The following XXYLT1 variants were observed in gnomAD, a reference collection of about 807,000 sequenced individuals.
XXYLT1 encodes UDP-xylose:alpha-xyloside alpha-1,3-xylosyltransferase.
In XXYLT1, 20 loss-of-function variants were observed where a neutral mutation model predicts 28.9. The observed-to-expected ratio is 0.69, with a 90% CI of 0.49 to 1.00. The LOEUF is 1.00. XXYLT1 is among the 50% of genes least tolerant of loss of function. XXYLT1 has a pLI of 0.00. For missense variants in XXYLT1, 542 were observed against 560.1 expected, an observed-to-expected ratio of 0.97 and a Z score of 0.33; for synonymous variants, 257 against 253.8, an observed-to-expected ratio of 1.01 and a Z score of -0.12.
intron 3 of XXYLT1, among the ~76,000 whole-genome samples, chr3:195,143,242 G>C (rs1317589617): frequency 6.6e-6 from 1 of 152,192 alleles, no homozygotes; most frequent in East Asian, 1.9e-4. Flanking sequence ...CAGTTCCCAA[G>C]AGCAGCCAAC....
At chr3:195,178,711 G>C (rs1721795632) in intron 2 of XXYLT1, among the ~76,000 whole-genome samples, 1 of 152,236 alleles carries the variant, frequency 6.6e-6, no homozygotes, top group Non-Finnish European at 1.5e-5. Context: ...GAGGGGAGCA[G>C]AGACCAACTG....
chr3:195,249,904 C>A (rs1317897854), intron 1 of XXYLT1, among the ~76,000 whole-genome samples: 1 of 152,140 alleles, frequency 6.6e-6, no homozygotes, highest in Admixed American at 6.5e-5. Flanking sequence ...CCTCCACCAC[C>A]CACCACCACC....
rs150358445 is a variant in XXYLT1 at position 195,141,651 on chromosome 3, A to G, written c.785+14798T>C. On this transcript the variant is annotated intron_variant, in intron 3 of 3. Coordinates refer to ENST00000310380, the MANE Select transcript of XXYLT1 (RefSeq NM_152531.5). ...AAGACCGAGAGCTCAGTGGGGTCAC[A>G]CTCCATTAGCCTTTGAGCAAATCTC... 2.7e-3 allele frequency among the ~76,000 whole-genome samples: 409 copies of G among 152,110 alleles called. 5 individuals carry two copies. The highest frequency in any genetic ancestry group is 7.6e-3 in the African/African-American group (316 of 41,502).
chr3:195,205,214 C>G (rs1467136390), intron 2 of XXYLT1, among the ~76,000 whole-genome samples: 1 of 152,204 alleles, frequency 6.6e-6, no homozygotes, highest in African/African-American at 2.4e-5. Context: ...AAATTTATGT[C>G]CATACAACAA....
At chr3:195,199,569 C>CCA (rs1197561298) in intron 2 of XXYLT1, among the ~76,000 whole-genome samples, 5 of 151,982 alleles carry the variant, frequency 3.3e-5, no homozygotes, top group Admixed American at 2.6e-4. Flanking sequence ...TGAGATCACA[C>CCA]CACTGCACTC....
rs565274676 is a variant in XXYLT1 at position 195,129,938 on chromosome 3, C to G, written c.785+26511G>C. 6.6e-6 allele frequency among the ~76,000 whole-genome samples: 1 copy of G among 152,158 alleles called. No homozygotes were observed. Among genetic ancestry groups the G allele is most frequent in the Non-Finnish European group, 1.5e-5 (1 of 68,026 alleles). ...TTCATATTCCCACCACCAGTGAGTG[C>G]GGGTTCCCATGCCTCCAACTCCTCA... On this transcript the variant is annotated intron_variant, in intron 3 of 3. Coordinates refer to ENST00000310380, the MANE Select transcript of XXYLT1 (RefSeq NM_152531.5). This position sits in a 1 kb window ranked among gnomAD's most constrained non-coding sequence, Gnocchi z 4.4.
chr3:195,144,501 C>T (rs1197031792), intron 3 of XXYLT1, among the ~76,000 whole-genome samples: 2 of 152,020 alleles, frequency 1.3e-5, no homozygotes, highest in Non-Finnish European at 2.9e-5. Context: ...CTCAGCCTCC[C>T]GAGTAGCTGG....
chr3:195,120,014 T>G (rs79394704), intron 3 of XXYLT1, among the ~76,000 whole-genome samples: 4,628 of 152,270 alleles, frequency 0.03, 110 homozygotes, highest in Middle Eastern at 0.12. Flanking sequence ...TGCTCGTGAC[T>G]GGGGTACCGG....
At chr3:195,144,377 G>A (rs1450957683) in intron 3 of XXYLT1, among the ~76,000 whole-genome samples, 1 of 151,828 alleles carries the variant, frequency 6.6e-6, no homozygotes, top group Non-Finnish European at 1.5e-5. Context: ...GGGGTCAAAC[G>A]GTTCCTCCTT....
At chr3:195,250,625 A>C (rs1191214272) in intron 1 of XXYLT1, among the ~76,000 whole-genome samples, 1 of 151,800 alleles carries the variant, frequency 6.6e-6, no homozygotes, top group Non-Finnish European at 1.5e-5. Flanking sequence ...TCCTGCTGAC[A>C]CACGGTATAA....
chr3:195,194,738 A>G (rs1190822064), intron 2 of XXYLT1, among the ~76,000 whole-genome samples: 1 of 152,196 alleles, frequency 6.6e-6, no homozygotes, highest in Non-Finnish European at 1.5e-5. Flanking sequence ...AAAGGAATAA[A>G]TGACTGATAC....
intron 3 of XXYLT1, among the ~76,000 whole-genome samples, chr3:195,135,789 T>C (rs1719162936): frequency 1.3e-5 from 2 of 152,084 alleles, no homozygotes; most frequent in East Asian, 1.9e-4. Flanking sequence ...CTTAGATGGA[T>C]AAATGGATGG....
At chr3:195,208,807 G>A (rs1346280981) in intron 2 of XXYLT1, among the ~76,000 whole-genome samples, 1 of 152,140 alleles carries the variant, frequency 6.6e-6, no homozygotes, top group Non-Finnish European at 1.5e-5. Flanking sequence ...AGGAAGGGCA[G>A]ACAAAGAGCG....
chr3:195,242,379 T>C (rs1560170527), intron 1 of XXYLT1, among the ~76,000 whole-genome samples: 1 of 152,152 alleles, frequency 6.6e-6, no homozygotes, highest in Non-Finnish European at 1.5e-5. Context: ...TCTTTGTCAG[T>C]AGGAGCTGTT....
At chr3:195,198,555 G>A (rs1722721626) in intron 2 of XXYLT1, among the ~76,000 whole-genome samples, 1 of 152,130 alleles carries the variant, frequency 6.6e-6, no homozygotes, top group Admixed American at 6.5e-5. Context: ...AACAGCAAAC[G>A]CTTACATGGT....
chr3:195,102,421 A>G (rs1716842887), intron 3 of XXYLT1, among the ~76,000 whole-genome samples: 3 of 151,948 alleles, frequency 2.0e-5, no homozygotes. Context: ...CCTGACTGGT[A>G]TCTCCCCATT....
intron 2 of XXYLT1, among the ~76,000 whole-genome samples, chr3:195,179,286 G>A (rs1721826715): frequency 6.6e-6 from 1 of 150,954 alleles, no homozygotes; most frequent in African/African-American, 2.4e-5. Context: ...GTTGCAGTGA[G>A]CCGAGATCGC....
rs758965359 is a variant in XXYLT1 at position 195,255,961 on chromosome 3, G to A, written c.504+14594C>T. On this transcript the variant is annotated intron_variant, in intron 1 of 3. Coordinates refer to ENST00000310380, the MANE Select transcript of XXYLT1 (RefSeq NM_152531.5). This position sits in a 1 kb window ranked among gnomAD's most constrained non-coding sequence, Gnocchi z 4.5. ...CTATGGGCAGCTCCTGGAGGAGGGA[G>A]GGAAGGTCCACCCCGGGCAGCCCTG... Among the ~76,000 whole-genome samples the A allele has an allele frequency of 1.3e-5, 2 of 152,150 alleles. No homozygotes were observed. The highest frequency in any genetic ancestry group is 2.9e-5 in the Non-Finnish European group (2 of 68,002).
intron 3 of XXYLT1, chr3:195,095,253 C>T (rs1359856469): frequency 1.3e-5 from 2 of 153,316 alleles, no homozygotes; most frequent in African/African-American, 2.4e-5. Context: ...AGCGTGCACT[C>T]GCAAATGCAA....
Sources: gnomAD v4.1 joint callset for allele counts (sites outside exome capture counted in the v4.1 genomes callset) on GRCh38, gnomAD v4.1.1 for gene constraint, Gnocchi (gnomAD v3.1) non-coding constraint, MANE v1.5 for transcripts, NCBI Gene and HGNC (gene_info 2026-07-23, HGNC 2026-07-21) for gene names.